Variants in ABCA2 observed in about 807,000 individuals in gnomAD.
ABCA2 encodes the protein ATP binding cassette subfamily A member 2.
A neutral mutation model predicts 262.8 loss-of-function variants in ABCA2; 84 were observed. The observed-to-expected ratio is 0.32, with a 90% CI of 0.27 to 0.38. The LOEUF is 0.38. Among genes scored for constraint, ABCA2 ranks in the 10% least tolerant of loss-of-function variants. The pLI is 1.00. For missense variants in ABCA2, 2,662 were observed against 3,405.9 expected, an observed-to-expected ratio of 0.78 and a Z score of 5.44; for synonymous variants, 1,696 against 1,502.9, an observed-to-expected ratio of 1.13 and a Z score of -2.97.
At position 137,013,183 on chromosome 9, in the gene ABCA2, C is replaced by T. The variant is rs771380946; in HGVS notation, c.4686G>A (p.Gly1562=). ...ACCGAGCCGCCAGCAGGCGCGACTCCCCGCTGCTCAGGTTCAACGTGGGCC... is the reference window on the plus strand; with the variant it reads ...ACCGAGCCGCCAGCAGGCGCGACTCTCCGCTGCTCAGGTTCAACGTGGGCC... ...SLGPTLNLSS[G]ESRLLAARFF... The change falls in exon 30 of 49, where the codon GGG becomes GGA. Residue 1562 remains glycine (G), a synonymous_variant. Transcript: ENST00000341511. 3.7e-6 allele frequency: 6 copies of T among 1,601,734 alleles called. No individual in the cohort carries two copies. In the South Asian group the frequency reaches 5.6e-5, roughly 15 times the overall value.
intron 29 of ABCA2, 26 bp from the exon 30 acceptor site, chr9:137,013,344 G>T (rs1456971116): frequency 1.3e-6 from 2 of 1,533,008 alleles, no homozygotes; most frequent in African/African-American, 2.7e-5. Flanking sequence ...GTGTGAGGTG[G>T]GGCTGCCAGT....
At chr9:137,020,058 A>T in intron 10 of ABCA2, 1 of 471,132 alleles carries the variant, frequency 2.1e-6, no homozygotes, top group Non-Finnish European at 3.8e-6. Context: ...CTCTGGACAC[A>T]CCCCTCCTCC....
Position 137,018,984 on chromosome 9 carries a change from C to G in ABCA2, c.1641G>C (p.Ser547=), listed in dbSNP as rs1456035602. The G allele has an allele frequency of 1.2e-6, 2 of 1,612,974 alleles. No individual in the cohort carries two copies. The highest frequency in any genetic ancestry group is 2.2e-5 in the South Asian group (2 of 91,088). Residue 547 remains serine (S), a synonymous_variant, in exon 12 of 49, where the codon TCG becomes TCC. Transcript: ENST00000341511. ...GCAGGAGGGCCATGCCACTGGGCAG[C>G]GAGAAGTTGTCCTGTCTCAGGGCCG... ...LPPALRQDNF[S]LPSGMALLQQ...
chr9:137,013,434 C>G, intron 29 of ABCA2, 27 bp downstream of exon 29: 7 of 1,584,392 alleles, frequency 4.4e-6, no homozygotes, highest in Non-Finnish European at 6.0e-6. Context: ...CCCCACCCAC[C>G]AAGGCTGCCC....
intron 3 of ABCA2, 151 bp from the exon 4 acceptor site, chr9:137,023,203 C>G: frequency 2.9e-6 from 2 of 686,998 alleles, no homozygotes; most frequent in South Asian, 3.6e-5. Context: ...GGCACAGAGC[C>G]CTGGCCCCAG....
rs767074661 is a variant in ABCA2 at position 137,022,498 on chromosome 9, A to C, written c.440-20T>G. 3 of 1,607,622 alleles carry C rather than the reference A, an allele frequency of 1.9e-6. No individual in the cohort carries two copies. Among genetic ancestry groups the C allele is most frequent in the African/African-American group, 2.7e-5 (2 of 74,714 alleles). ...AAGACACTGGACAGGCAGGAAGGCG[A>C]GGCTGAGAGGCCGCTGCACCTTGGC... is the stretch of plus-strand genomic sequence containing the variant. On this transcript the variant is annotated intron_variant, in intron 5 of 48. Transcript: ENST00000341511.
rs772249994 is a variant in ABCA2 at position 137,019,266 on chromosome 9, T to G, written c.1466A>C (p.Tyr489Ser). The G allele has an allele frequency of 6.2e-6, 10 of 1,612,466 alleles. No homozygotes were observed. The Admixed American group carries it at 1.7e-4, about 27-fold the overall frequency. Residue 489 changes from tyrosine (Y) to serine (S), a missense_variant, in exon 11 of 49, where the codon TAT becomes TCT. Around this residue, in one of 12 missense-constraint regions of ABCA2, gnomAD observed 92 missense variants for 146.7 expected, o/e 0.63. Coordinates refer to ENST00000341511, the MANE Select transcript of ABCA2 (RefSeq NM_001606.5). This position sits in a 1 kb window ranked among gnomAD's most constrained non-coding sequence, Gnocchi z 4.4. The part of the protein sequence containing the change: ...TFAFVGNVTH[Y>S]AQVWLNISAE... ...CGAGATGTTGAGCCAGACCTGGGCA[T>G]AGTGAGTCACGTTGCCCACAAAAGC...
In ABCA2 at chr9:137,011,194, G is replaced by T. The variant is rs762958263; in HGVS notation, c.5915C>A (p.Ala1972Asp). The T allele has an allele frequency of 6.2e-7, 1 of 1,612,570 alleles. No individual in the cohort carries two copies. The highest frequency in any genetic ancestry group is 2.2e-5 in the East Asian group (1 of 44,880). The change falls in exon 38 of 49, where the codon GCC (alanine) becomes GAC (aspartate). Residue 1972 changes from alanine to aspartate, a missense_variant. By Grantham distance (126) the Ala-to-Asp change is moderately radical. This residue lies in a region of ABCA2 where 602 missense variants were observed against 897.4 expected (regional missense o/e 0.67). Transcript: ENST00000341511. The surrounding 1 kb of genome is among the most constrained non-coding windows in gnomAD (Gnocchi z 8.8). ...AYNEYINEYY[A>D]KIGQFDKMKS... ...CCCACGGGCCCCCTCACCAATCTTG[G>T]CGTAGTACTCGTTGATGTACTCGTT...
In ABCA2 at chr9:137,013,147, G is replaced by A; in HGVS notation, c.4722C>T (p.Ser1574=). ...SRLLAARFFD[S]MCLESFTQGL... ...CCTGTGTGAAGGACTCCAGACACAT[G>A]CTGTCGAAGAACCGAGCCGCCAGCA... is the stretch of plus-strand genomic sequence containing the variant. Residue 1574 remains serine (S), a synonymous_variant, in exon 30 of 49, where the codon AGC becomes AGT. Coordinates refer to ENST00000341511, the MANE Select transcript of ABCA2 (RefSeq NM_001606.5). 2 of 1,600,240 alleles carry A rather than the reference G, an allele frequency of 1.2e-6. No individual in the cohort carries two copies. The highest frequency in any genetic ancestry group is 1.7e-6 in the Non-Finnish European group (2 of 1,175,464).
chr9:137,022,047 G>A (rs1221135502), intron 6 of ABCA2, 46 bp from the exon 7 acceptor site: 2 of 1,362,738 alleles, frequency 1.5e-6, no homozygotes, highest in African/African-American at 3.0e-5. Context: ...GGGGGGCGTG[G>A]CTCAGATGGT....
At chr9:137,015,913 G>GC in intron 22 of ABCA2, 42 bp from the exon 23 acceptor site, 1 of 1,606,704 alleles carries the variant, frequency 6.2e-7, no homozygotes, top group Middle Eastern at 1.7e-4. Flanking sequence ...GCTATGCAGA[G>GC]CCCCAGGGCC....
intron 48 of ABCA2, 49 bp from the exon 49 acceptor site, chr9:137,008,013 G>A (rs1437252197): frequency 2.5e-6 from 4 of 1,584,770 alleles, no homozygotes; most frequent in Non-Finnish European, 2.6e-6. Flanking sequence ...GCCACCCCCT[G>A]CTGGGGCTGA....
chr9:137,012,174 G>C lies in ABCA2; in HGVS notation c.5300-12C>G. 1 of 1,611,458 alleles carries C rather than the reference G, an allele frequency of 6.2e-7. No individual in the cohort carries two copies. Among genetic ancestry groups the C allele is most frequent in the Non-Finnish European group, 8.5e-7 (1 of 1,179,734 alleles). On this transcript the variant is annotated splice_polypyrimidine_tract_variant and intron_variant, in intron 33 of 48. Transcript: ENST00000341511. ...GGTGACGGTGATGCCTGCACACGGC[G>C]GGGCGGGGGCGGCAGCTTCAGGCCC...
chr9:137,017,048 T>C lies in ABCA2; in HGVS notation c.2630A>G (p.Gln877Arg), dbSNP rs568435680. 3 of 1,612,762 alleles carry C rather than the reference T, an allele frequency of 1.9e-6. No individual in the cohort carries two copies. In the African/African-American group the frequency reaches 4.0e-5, roughly 21 times the overall value. Residue 877 changes from glutamine to arginine, a missense_variant, in exon 19 of 49, where the codon CAG becomes CGG. Physicochemically the swap from Gln to Arg is conservative, Grantham distance 43. Around this residue, in one of 12 missense-constraint regions of ABCA2, gnomAD observed 188 missense variants for 343.4 expected, o/e 0.55. Coordinates refer to ENST00000341511, the MANE Select transcript of ABCA2 (RefSeq NM_001606.5). The part of the protein sequence containing the change: ...ALYEVAGVGI[Q>R]WHTFSQSPVE... ...CGGGGACTGGCTGAAGGTGTGCCAC[T>C]GGATGCCCACGCCGGCCACCTCATA...
upstream of ABCA2, chr9:137,028,747 C>T (rs760146674): frequency 2.3e-6 from 3 of 1,279,628 alleles, no homozygotes; most frequent in Non-Finnish European, 3.0e-6. This position sits in a 1 kb window ranked among gnomAD's most constrained non-coding sequence, Gnocchi z 6.9. Flanking sequence ...CCAGGTGGGT[C>T]CGTCCCGCGA....
Position 137,017,236 on chromosome 9 carries a change from A to G in ABCA2, c.2513T>C (p.Val838Ala). 1 of 1,612,146 alleles carries G rather than the reference A, an allele frequency of 6.2e-7. No homozygotes were observed. Among genetic ancestry groups the G allele is most frequent in the Non-Finnish European group, 8.5e-7 (1 of 1,179,782 alleles). ...PYMYVAIREE[V>A]AHDKITAFEK... ...GAAGGCCGTGATCTTATCATGCGCC[A>G]CCTCCTCTCGGATCGCCACGTACAT... Residue 838 changes from valine (V) to alanine (A), a missense_variant, in exon 18 of 49, where the codon GTG (valine) becomes GCG (alanine). By Grantham distance (64) the Val-to-Ala change is moderately conservative. Transcript: ENST00000341511.
Position 137,017,784 on chromosome 9 carries a change from C to T in ABCA2, c.2211+3G>A. ...CCTCCAGGGAGAGTCCCGGCCCGCG[C>T]ACCTCCTTGAGCCGGTGCTCCTTCT... On this transcript the variant is annotated splice_donor_region_variant and intron_variant, in intron 16 of 48. Coordinates refer to ENST00000341511, the MANE Select transcript of ABCA2 (RefSeq NM_001606.5). The T allele has an allele frequency of 6.2e-7, 1 of 1,612,386 alleles. No individual in the cohort carries two copies. Among genetic ancestry groups the T allele is most frequent in the Non-Finnish European group, 8.5e-7 (1 of 1,179,738 alleles).
rs758798503 is a variant in ABCA2, at chr9:137,015,085, G to A, written c.3710C>T (p.Ala1237Val). The change falls in exon 25 of 49, where the codon GCA becomes GTA. Residue 1237 changes from alanine (A) to valine (V), a missense_variant. By Grantham distance (64) the Ala-to-Val change is moderately conservative (BLOSUM62 0). Around this residue, in one of 12 missense-constraint regions of ABCA2, gnomAD observed 297 missense variants for 286.5 expected, o/e 1.04. Transcript: ENST00000341511. ...CGGGGCCCGACCTGGGGGGCTGGAT[G>A]CCAGCCCTGGCTCTGTGGGGGACGT... The part of the protein sequence containing the change: ...EPGGPQEPGL[A>V]SSPPGRAPLS... 2 of 1,589,584 alleles carry A rather than the reference G, an allele frequency of 1.3e-6. No individual in the cohort carries two copies. The highest frequency in any genetic ancestry group is 1.7e-6 in the Non-Finnish European group (2 of 1,169,182).
rs372488285 is a variant in ABCA2, at chr9:137,008,569, C to A, written c.7122G>T (p.Thr2374=). 1.2e-6 allele frequency: 2 copies of A among 1,608,944 alleles called. No homozygotes were observed. The highest frequency in any genetic ancestry group is 1.1e-5 in the South Asian group (1 of 90,168). ...KQSDNLEQQE[T]EPPSALQSPL... ...GGGACTGCAGTGCGGATGGCGGCTCCGTCTCCTGCTGCTCCAGGTTGTCAC... is the reference window on the plus strand; with the variant it reads ...GGGACTGCAGTGCGGATGGCGGCTCAGTCTCCTGCTGCTCCAGGTTGTCAC... Residue 2374 remains threonine, a synonymous_variant, in exon 48 of 49, where the codon ACG becomes ACT. Transcript: ENST00000341511.
Sources: allele counts gnomAD v4.1 joint callset, GRCh38; gene constraint gnomAD v4.1.1; regional missense constraint gnomAD v4.1.1; non-coding constraint Gnocchi (gnomAD v3.1); transcripts MANE v1.5; gene names NCBI Gene and HGNC (gene_info 2026-07-23, HGNC 2026-07-21).